Variants in ZBED6 observed in about 807,000 individuals in gnomAD.
ZBED6 encodes the protein zinc finger BED domain-containing protein 6.
In ZBED6, 40 loss-of-function variants were observed where a neutral mutation model predicts 58.4. The observed-to-expected ratio is 0.68, with a 90% CI of 0.53 to 0.89. ZBED6 has a LOEUF of 0.89. ZBED6 is among the 40% of genes least tolerant of loss of function. The probability of loss-of-function intolerance (pLI) is 0.00; values close to 1 mark genes in which losing one functional copy is unlikely to be tolerated. For synonymous variants in ZBED6, 439 were observed against 350.6 expected, an observed-to-expected ratio of 1.25 and a Z score of -2.82; for missense variants, 1,057 against 1,003.9, an observed-to-expected ratio of 1.05 and a Z score of -0.71.
At chr1:203,831,601 G>T (rs928183329) in intron 7 of ZBED6, 60 bp from the exon 8 acceptor site, 2 of 1,472,346 alleles carry the variant, frequency 1.4e-6, no homozygotes, top group Non-Finnish European at 1.9e-6. Context: ...CAAATTTTTT[G>T]ACTTGGGATA....
intron 11 of ZBED6, 114 bp from the exon 12 acceptor site, chr1:203,847,070 C>A: frequency 8.8e-7 from 1 of 1,132,600 alleles, no homozygotes; most frequent in Non-Finnish European, 1.3e-6. Flanking sequence ...CTTTTAATTG[C>A]CTGCTTAAAT....
intron 4 of ZBED6, 198 bp from the exon 5 acceptor site, chr1:203,829,253 A>C (rs1368567942): frequency 3.3e-6 from 2 of 608,868 alleles, no homozygotes; most frequent in Non-Finnish European, 2.9e-6. Context: ...GTGTTTATGT[A>C]CAGTGGAGAG....
chr1:203,810,091 A>G lies in ZBED6; in HGVS notation c.*2555-6835A>G, dbSNP rs145802952. ...TTTTGCATGGGATAGTATTGATTAT[A>G]AAGTCATTGGAGCATCATTTAAAAG... is the stretch of plus-strand genomic sequence containing the variant. On this transcript the variant is annotated intron_variant, in intron 1 of 16. Coordinates refer to ENST00000550078, the Ensembl canonical transcript of ZBED6. Among the ~76,000 whole-genome samples, 897 of 151,984 alleles carry G rather than the reference A, an allele frequency of 5.9e-3. 11 individuals carry two copies. The highest frequency in any genetic ancestry group is 0.018 in the African/African-American group (752 of 41,496).
intron 3 of ZBED6, among the ~76,000 whole-genome samples, chr1:203,819,080 A>G (rs553739484): frequency 7.9e-5 from 5 of 62,960 alleles, no homozygotes; most frequent in Admixed American, 7.0e-4. Flanking sequence ...AAAAAAAAAT[A>G]TATATATATA....
chr1:203,812,241 T>C (rs1674729495), intron 1 of ZBED6, among the ~76,000 whole-genome samples: 1 of 152,112 alleles, frequency 6.6e-6, no homozygotes, highest in Non-Finnish European at 1.5e-5. Flanking sequence ...GCCTAGTATC[T>C]ATTAGTTGTT....
chr1:203,803,611 T>A (rs1425792278), intron 1 of ZBED6, among the ~76,000 whole-genome samples: 1 of 152,220 alleles, frequency 6.6e-6, no homozygotes, highest in Non-Finnish European at 1.5e-5. Context: ...TGGGTTATTT[T>A]GTTTCGTTTT....
exon 1 of ZBED6, chr1:203,799,433 G>T: frequency 2.8e-6 from 2 of 703,062 alleles, no homozygotes; most frequent in Middle Eastern, 2.3e-4. Flanking sequence ...AACTTCCATG[G>T]AAGAATTTGA....
chr1:203,835,392 C>T (rs1558130193), intron 9 of ZBED6, among the ~76,000 whole-genome samples: 1 of 152,144 alleles, frequency 6.6e-6, no homozygotes, highest in African/African-American at 2.4e-5. Context: ...CAGATGAATA[C>T]ATTACACGTT....
chr1:203,838,997 C>T (rs943621064), intron 10 of ZBED6, among the ~76,000 whole-genome samples: 4 of 144,974 alleles, frequency 2.8e-5, no homozygotes, highest in African/African-American at 1.0e-4. Flanking sequence ...AGGTTATAAA[C>T]AAGGATCACA....
intron 1 of ZBED6, 36 bp from the exon 2 acceptor site, chr1:203,816,890 C>T (rs1676565076): frequency 3.9e-6 from 2 of 509,038 alleles, no homozygotes; most frequent in Non-Finnish European, 7.1e-6. Context: ...GAAGAATTTA[C>T]CTGAAATATT....
exon 17 of ZBED6, chr1:203,853,122 T>C (rs867410547): frequency 3.3e-5 from 5 of 151,774 alleles, no homozygotes; most frequent in Admixed American, 6.6e-5. Context: ...CTGGATTCAT[T>C]ATATGAGATG....
In ZBED6 at chr1:203,804,395, G is replaced by A. The variant is rs561931459; in HGVS notation, c.*2554+1379G>A. Among the ~76,000 whole-genome samples the A allele has an allele frequency of 9.9e-5, 15 of 151,634 alleles. No homozygotes were observed. In the South Asian group the frequency reaches 2.7e-3, roughly 27 times the overall value. On this transcript the variant is annotated intron_variant, in intron 1 of 16. Transcript: ENST00000550078. ...TCTCCATCTCCTGACCTCGTGATCC[G>A]CCCGCCTCGGCCTCCCAAAGTGCTA... is the stretch of plus-strand genomic sequence containing the variant.
chr1:203,840,897 A>G (rs1264892215), intron 11 of ZBED6, among the ~76,000 whole-genome samples: 4 of 152,206 alleles, frequency 2.6e-5, no homozygotes, highest in Admixed American at 2.0e-4. Context: ...GCCTCCCAAA[A>G]TCCTGGGATT....
At chr1:203,809,079 CT>C (rs1394946924) in intron 1 of ZBED6, among the ~76,000 whole-genome samples, 1 of 152,026 alleles carries the variant, frequency 6.6e-6, no homozygotes, top group Non-Finnish European at 1.5e-5. Context: ...ATCCACCTGT[CT>C]CGGCCTCCCA....
At chr1:203,798,427 G>A in exon 1 of ZBED6, 1 of 1,534,796 alleles carries the variant, frequency 6.5e-7, no homozygotes, top group Non-Finnish European at 8.7e-7. Context: ...TCCCACTTAG[G>A]GACTTCAACA....
chr1:203,819,617 C>T (rs1485362500), intron 3 of ZBED6, among the ~76,000 whole-genome samples: 4 of 144,624 alleles, frequency 2.8e-5, no homozygotes, highest in African/African-American at 7.8e-5. Context: ...TTAGTGCAAC[C>T]TCCACCTCCC....
intron 1 of ZBED6, chr1:203,806,249 G>T: frequency 2.9e-6 from 1 of 344,392 alleles, no homozygotes; most frequent in Non-Finnish European, 5.6e-6. Context: ...TCACTTTCCT[G>T]AAGAATCAGT....
intron 13 of ZBED6, among the ~76,000 whole-genome samples, chr1:203,848,877 T>A (rs975604076): frequency 2.6e-5 from 4 of 152,142 alleles, no homozygotes; most frequent in Non-Finnish European, 4.4e-5. Flanking sequence ...GTAACCATCA[T>A]TATCTTTTCC....
In ZBED6 at chr1:203,810,611, G is replaced by T. The variant is rs192728173; in HGVS notation, c.*2555-6315G>T. The stretch of plus-strand genomic sequence containing the variant: ...ATTTTTTGTATTTTTAGTAGAGATG[G>T]GGTTTCACAGTGTCAGCCAGGATGG... On this transcript the variant is annotated intron_variant, in intron 1 of 16. Coordinates refer to ENST00000550078, the Ensembl canonical transcript of ZBED6. Among the ~76,000 whole-genome samples the T allele has an allele frequency of 3.9e-3, 599 of 151,842 alleles. 6 individuals carry two copies. The highest frequency in any genetic ancestry group is 0.028 in the Middle Eastern group (8 of 288).
Sources: gnomAD v4.1 joint callset for allele counts (sites outside exome capture counted in the v4.1 genomes callset) on GRCh38, gnomAD v4.1.1 for gene constraint, MANE v1.5 for transcripts, NCBI Gene and HGNC (gene_info 2026-07-23, HGNC 2026-07-21) for gene names.